Variants in THADA observed in about 807,000 individuals in gnomAD.
The protein encoded by THADA is tRNA (32-2'-O)-methyltransferase regulator THADA.
A neutral mutation model predicts 219.8 loss-of-function variants in THADA; 213 were observed. That is an observed-to-expected ratio of 0.97 (90% CI 0.87 to 1.09). The LOEUF (loss-of-function observed/expected upper bound fraction) is 1.09. Among genes scored for constraint, THADA ranks in the 50% least tolerant of loss-of-function variants. The pLI, the probability that THADA is intolerant of heterozygous loss-of-function variation, is 0.00. For missense variants in THADA, 2,956 were observed against 2,311.3 expected (o/e 1.28, Z -5.72); for synonymous variants, 1,018 against 828.9 (o/e 1.23, Z -3.92).
intron 23 of THADA, among the ~76,000 whole-genome samples, chr2:43,507,032 T>C (rs889486931): frequency 3.9e-5 from 6 of 152,280 alleles, no homozygotes; most frequent in Admixed American, 3.9e-4. Flanking sequence ...ACACAAAAGG[T>C]AAACTCACAA....
chr2:43,485,178 C>G, intron 26 of THADA, 56 bp downstream of exon 26: 1 of 1,389,246 alleles, frequency 7.2e-7, no homozygotes, highest in South Asian at 1.2e-5. Flanking sequence ...TTGTTTTTGG[C>G]CAGGACAATA....
At chr2:43,308,746 G>A (rs1677145196) in intron 31 of THADA, among the ~76,000 whole-genome samples, 1 of 72,302 alleles carries the variant, frequency 1.4e-5, no homozygotes, top group Admixed American at 1.6e-4. Context: ...CTGAAACATT[G>A]GATACCCATA....
chr2:43,575,995 A>G (rs1476324017), intron 10 of THADA, among the ~76,000 whole-genome samples: 4 of 152,238 alleles, frequency 2.6e-5, no homozygotes, highest in African/African-American at 9.6e-5. Flanking sequence ...TAGATTACCT[A>G]TGTTAAAGTG....
intron 31 of THADA, among the ~76,000 whole-genome samples, chr2:43,303,951 G>T (rs1225470534): frequency 5.3e-5 from 8 of 152,246 alleles, no homozygotes; most frequent in Non-Finnish European, 7.4e-5. Context: ...ATGCTGCTGG[G>T]GCAGGGACCG....
chr2:43,346,616 T>G (rs1200433711), intron 29 of THADA, among the ~76,000 whole-genome samples: 1 of 152,188 alleles, frequency 6.6e-6, no homozygotes, highest in Admixed American at 6.5e-5. Flanking sequence ...CCAACACACA[T>G]GAGAACTCAG....
chr2:43,531,110 T>C (rs983849702), intron 21 of THADA, among the ~76,000 whole-genome samples: 1 of 152,220 alleles, frequency 6.6e-6, no homozygotes, highest in African/African-American at 2.4e-5. Flanking sequence ...ATGCCTGTCC[T>C]CAGCAGGCTT....
intron 31 of THADA, among the ~76,000 whole-genome samples, chr2:43,304,599 A>G (rs1013963895): frequency 1.3e-5 from 2 of 151,890 alleles, no homozygotes; most frequent in Admixed American, 6.6e-5. Context: ...AGTTTTCTCT[A>G]TTCTCCCCTT....
intron 30 of THADA, among the ~76,000 whole-genome samples, chr2:43,339,856 G>C (rs1426026279): frequency 6.6e-6 from 1 of 152,136 alleles, no homozygotes; most frequent in Non-Finnish European, 1.5e-5. Flanking sequence ...TTACTTGGAA[G>C]ACTCTGGTGG....
intron 36 of THADA, among the ~76,000 whole-genome samples, chr2:43,278,214 G>A (rs540103789): frequency 6.6e-6 from 1 of 152,220 alleles, no homozygotes; most frequent in East Asian, 1.9e-4. Flanking sequence ...GCCTCCCAAA[G>A]TGCTGAGATT....
intron 36 of THADA, among the ~76,000 whole-genome samples, chr2:43,256,113 G>C (rs1472476543): frequency 6.6e-6 from 1 of 152,156 alleles, no homozygotes; most frequent in East Asian, 1.9e-4. Context: ...AGAACACCTG[G>C]ATGTTCATGA....
intron 30 of THADA, among the ~76,000 whole-genome samples, chr2:43,321,129 A>C (rs777964943): frequency 1.3e-5 from 2 of 152,230 alleles, no homozygotes; most frequent in Non-Finnish European, 2.9e-5. Context: ...CATAGTAGAA[A>C]TAGTAAGTGG....
chr2:43,451,800 T>G (rs1260314991), intron 26 of THADA, among the ~76,000 whole-genome samples: 1 of 152,176 alleles, frequency 6.6e-6, no homozygotes, highest in African/African-American at 2.4e-5. Context: ...ATTTGTCTCA[T>G]CTACTATACT....
At chr2:43,256,402 T>C (rs1472702572) in intron 36 of THADA, among the ~76,000 whole-genome samples, 1 of 151,842 alleles carries the variant, frequency 6.6e-6, no homozygotes, top group Non-Finnish European at 1.5e-5. Flanking sequence ...AGAACCTTGC[T>C]CACTTTTTGA....
intron 36 of THADA, among the ~76,000 whole-genome samples, chr2:43,257,485 G>C (rs534151652): frequency 1.1e-4 from 16 of 152,342 alleles, no homozygotes; most frequent in African/African-American, 3.6e-4. Context: ...GGAGGCTTCC[G>C]AGTCTCCTTC....
rs1039283126 is a variant in THADA, at chr2:43,406,632, C to T, written c.4059-8493G>A. Among the ~76,000 whole-genome samples the T allele has an allele frequency of 4.6e-5, 7 of 152,290 alleles. No individual in the cohort carries two copies. The South Asian group carries it at 6.2e-4, about 14-fold the overall frequency. On this transcript the variant is annotated intron_variant, in intron 28 of 37. Coordinates refer to ENST00000405975, the MANE Select transcript of THADA (RefSeq NM_022065.5). Reference sequence around the variant, plus strand: ...AAAAGACTTTATAGCAAAGTACATACAAAGACATTGGGAGCCCTAGAAAAT... The same window carrying T: ...AAAAGACTTTATAGCAAAGTACATATAAAGACATTGGGAGCCCTAGAAAAT...
chr2:43,423,165 T>G (rs1174009437), intron 28 of THADA, among the ~76,000 whole-genome samples: 2 of 135,996 alleles, frequency 1.5e-5, no homozygotes, highest in Non-Finnish European at 3.4e-5. Context: ...TTTGTGTTTG[T>G]CAGTCCTATG....
chr2:43,546,229 G>C lies in THADA; in HGVS notation c.3106+2981C>G, dbSNP rs900743592. On this transcript the variant is annotated intron_variant, in intron 20 of 37. Coordinates refer to ENST00000405975, the MANE Select transcript of THADA (RefSeq NM_022065.5). ...TTCTAGTTTGATTGCACTGTGGTCT[G>C]AGAGACAGTTTGTTATAATGTCTGA... Among the ~76,000 whole-genome samples the C allele has an allele frequency of 2.9e-3, 437 of 152,154 alleles. 1 individual carries two copies. Among genetic ancestry groups the C allele is most frequent in the South Asian group, 0.013 (62 of 4,816 alleles).
At chr2:43,282,741 A>G (rs1673508598) in intron 35 of THADA, among the ~76,000 whole-genome samples, 1 of 152,190 alleles carries the variant, frequency 6.6e-6, no homozygotes. Context: ...CAATTTAAAA[A>G]ATTTTAAAAA....
At chr2:43,480,038 A>G (rs935721919) in intron 26 of THADA, among the ~76,000 whole-genome samples, 1 of 152,246 alleles carries the variant, frequency 6.6e-6, no homozygotes, top group Non-Finnish European at 1.5e-5. Context: ...TAAAATCTAA[A>G]GCCAACTCCA....
Sources: gnomAD v4.1 joint callset for allele counts (sites outside exome capture counted in the v4.1 genomes callset) on GRCh38, gnomAD v4.1.1 for gene constraint, MANE v1.5 for transcripts, NCBI Gene and HGNC (gene_info 2026-07-23, HGNC 2026-07-21) for gene names.